WDR49: variants seen among roughly 807,000 people sequenced by gnomAD.
WDR49 encodes WD repeat domain 49, also known as cilia- and flagella-associated protein 337.
WDR49 carries 107 observed loss-of-function variants against 119.5 expected under a neutral mutation model. That is an observed-to-expected ratio of 0.90 (90% CI 0.77 to 1.05). The LOEUF is 1.05. Among genes scored for constraint, WDR49 ranks in the 50% least tolerant of loss-of-function variants. The pLI, the probability that WDR49 is intolerant of heterozygous loss-of-function variation, is 0.00. For missense variants in WDR49, 1,240 were observed against 1,220.5 expected (o/e 1.02, Z -0.24); for synonymous variants, 425 against 418.8 (o/e 1.01, Z -0.18).
intron 7 of WDR49, among the ~76,000 whole-genome samples, chr3:167,587,022 T>C (rs189066421): frequency 6.6e-6 from 1 of 152,170 alleles, no homozygotes; most frequent in Admixed American, 6.5e-5. Flanking sequence ...CTGGTATATA[T>C]ATGGTATAAT....
intron 12 of WDR49, among the ~76,000 whole-genome samples, chr3:167,532,521 A>G (rs1752886035): frequency 6.6e-6 from 1 of 152,156 alleles, no homozygotes; most frequent in Non-Finnish European, 1.5e-5. Context: ...TCGAGTGAAC[A>G]TGAATTTCCA....
Position 167,621,523 on chromosome 3 carries a change from AC to A in WDR49, c.726del (p.Trp242CysfsTer17). On this transcript the variant is annotated frameshift_variant, in exon 4 of 19. Coordinates refer to ENST00000682715, the MANE Select transcript of WDR49 (RefSeq NM_001366157.1). LOFTEE classifies it high-confidence loss of function. ...GATTCATTGGCATCAAGAGGATCAT[AC>A]CAATAATCCATGCAAATTGGTGTTC... ...LKGTPICMDYWYDPLDANESI... is the reference protein window; with the variant it reads ...LKGTPICMDYXYDPLDANESI... 1 of 1,535,562 alleles carries A rather than the reference AC, an allele frequency of 6.5e-7. No homozygotes were observed. The highest frequency in any genetic ancestry group is 1.4e-5 in the African/African-American group (1 of 73,092).
At chr3:167,483,723 A>G (rs1750812661) in intron 18 of WDR49, among the ~76,000 whole-genome samples, 2 of 152,182 alleles carry the variant, frequency 1.3e-5, no homozygotes, top group Non-Finnish European at 2.9e-5. Context: ...TTAAAAAGAT[A>G]CCTGAAATGC....
intron 8 of WDR49, among the ~76,000 whole-genome samples, chr3:167,573,436 AATAG>A (rs72075630): frequency 0.047 from 6,986 of 149,340 alleles, 436 homozygotes; most frequent in African/African-American, 0.13. Context: ...ACACAACACA[AATAG>A]ATAGATCTGT....
intron 18 of WDR49, among the ~76,000 whole-genome samples, chr3:167,492,161 AG>A (rs1751164897): frequency 1.3e-5 from 2 of 151,320 alleles, no homozygotes; most frequent in African/African-American, 4.9e-5. Context: ...TTTTTTTTTA[AG>A]TGTTATTTTA....
intron 10 of WDR49, among the ~76,000 whole-genome samples, chr3:167,541,746 G>A (rs924023892): frequency 1.3e-5 from 2 of 151,922 alleles, no homozygotes; most frequent in African/African-American, 4.8e-5. Flanking sequence ...TCTGCTTAAA[G>A]GATACAGAAT....
intron 3 of WDR49, among the ~76,000 whole-genome samples, chr3:167,622,623 G>T (rs1716925930): frequency 6.6e-6 from 1 of 152,028 alleles, no homozygotes; most frequent in Admixed American, 6.6e-5. Flanking sequence ...ATAACAGTGG[G>T]ATATTTCAAT....
At chr3:167,632,826 G>A (rs1717433597) in intron 2 of WDR49, among the ~76,000 whole-genome samples, 1 of 151,970 alleles carries the variant, frequency 6.6e-6, no homozygotes, top group Admixed American at 6.6e-5. Flanking sequence ...GAAATTGTGT[G>A]GTAGTGAAGA....
At chr3:167,624,026 C>A (rs1015032793) in intron 3 of WDR49, among the ~76,000 whole-genome samples, 6 of 151,736 alleles carry the variant, frequency 4.0e-5, no homozygotes, top group Non-Finnish European at 8.8e-5. Context: ...TATAAAAACT[C>A]TCGAAACTCA....
At chr3:167,542,120 G>A (rs1711881672) in intron 10 of WDR49, among the ~76,000 whole-genome samples, 1 of 151,882 alleles carries the variant, frequency 6.6e-6, no homozygotes. Context: ...CCCAACATGA[G>A]AGCTCCCAAA....
In WDR49 at chr3:167,537,001, C is replaced by T. The variant is rs755226068; in HGVS notation, c.1824-1G>A. 12 of 1,569,678 alleles carry T rather than the reference C, an allele frequency of 7.6e-6. No individual in the cohort carries two copies. In the African/African-American group the frequency reaches 9.7e-5, roughly 13 times the overall value. On this transcript the variant is annotated splice_acceptor_variant, in intron 10 of 18. Transcript: ENST00000682715. LOFTEE classifies it high-confidence loss of function. ...TTGGGGTCGAAACACAGTAATAGCC[C>T]TAGCAAAAAGGATATAGAATTTAGC...
At chr3:167,645,242 G>A (rs777681384) in intron 2 of WDR49, among the ~76,000 whole-genome samples, 28 of 151,274 alleles carry the variant, frequency 1.9e-4, no homozygotes, top group Non-Finnish European at 1.9e-4. Flanking sequence ...ATTGAGTTTC[G>A]CTCAGTCACC....
At chr3:167,568,582 G>A (rs1004162871) in intron 8 of WDR49, among the ~76,000 whole-genome samples, 2 of 152,110 alleles carry the variant, frequency 1.3e-5, no homozygotes, top group East Asian at 1.9e-4. Flanking sequence ...ATATTGAAAT[G>A]GCAAGCAACC....
chr3:167,624,982 C>A (rs147662448), intron 3 of WDR49, among the ~76,000 whole-genome samples: 20 of 152,066 alleles, frequency 1.3e-4, no homozygotes, highest in African/African-American at 4.6e-4. Flanking sequence ...TGACTGAGGG[C>A]AAATTACACA....
intron 3 of WDR49, among the ~76,000 whole-genome samples, chr3:167,624,051 C>T (rs1308719943): frequency 5.9e-5 from 9 of 151,494 alleles, no homozygotes; most frequent in African/African-American, 2.2e-4. Flanking sequence ...GATAACAATC[C>T]TAATAAAAAA....
intron 7 of WDR49, among the ~76,000 whole-genome samples, chr3:167,593,491 G>A (rs145458566): frequency 1.3e-5 from 2 of 151,876 alleles, no homozygotes; most frequent in African/African-American, 4.8e-5. Flanking sequence ...TTATCTGATA[G>A]AATTCTGAAT....
At chr3:167,564,071 T>C (rs145454584) in intron 8 of WDR49, among the ~76,000 whole-genome samples, 145 of 152,354 alleles carry the variant, frequency 9.5e-4, no homozygotes, top group African/African-American at 3.4e-3. Context: ...GAATTAGTAA[T>C]GTTCACTTTT....
At chr3:167,536,837 CA>C in intron 11 of WDR49, 32 bp downstream of exon 11, 1 of 1,443,498 alleles carries the variant, frequency 6.9e-7, no homozygotes, top group Non-Finnish European at 9.1e-7. Flanking sequence ...AATCAAACTT[CA>C]CCAATGATTG....
intron 3 of WDR49, among the ~76,000 whole-genome samples, chr3:167,622,244 G>A (rs947219612): frequency 2.0e-5 from 3 of 151,918 alleles, no homozygotes; most frequent in Non-Finnish European, 1.5e-5. Context: ...AAGAAGCAAA[G>A]GAAAGTATGT....
Sources: allele counts gnomAD v4.1 joint callset (sites outside exome capture counted in the v4.1 genomes callset), GRCh38; gene constraint gnomAD v4.1.1; transcripts MANE v1.5; gene names NCBI Gene and HGNC (gene_info 2026-07-23, HGNC 2026-07-21).